The following TLN1 variants were observed in gnomAD, a reference collection of about 807,000 sequenced individuals.
TLN1 encodes the protein talin 1.
TLN1 carries 56 observed loss-of-function variants against 292.3 expected under a neutral mutation model. The observed-to-expected ratio is 0.19, with a 90% CI of 0.15 to 0.24. The LOEUF is 0.24. Among genes scored for constraint, TLN1 ranks in the 10% least tolerant of loss-of-function variants. TLN1 has a pLI of 1.00. For missense variants in TLN1, 2,433 were observed against 3,248.2 expected (o/e 0.75, Z 6.10); for synonymous variants, 1,119 against 1,253.7 (o/e 0.89, Z 2.27).
chr9:35,728,517 A>C (rs1286785736), intron 1 of TLN1, among the ~76,000 whole-genome samples: 1 of 151,950 alleles, frequency 6.6e-6, no homozygotes, highest in East Asian at 1.9e-4. Flanking sequence ...CTCCATACTC[A>C]AATGCACACT....
In TLN1 at chr9:35,719,612, G is replaced by A. The variant is rs368180525; in HGVS notation, c.1594C>T (p.Arg532Cys). 4.3e-6 allele frequency: 7 copies of A among 1,614,016 alleles called. No individual in the cohort carries two copies. Among genetic ancestry groups the A allele is most frequent in the Admixed American group, 3.3e-5 (2 of 60,010 alleles). Residue 532 changes from arginine (R) to cysteine (C), a missense_variant, in exon 15 of 57, where the codon CGT (arginine) becomes TGT (cysteine). Physicochemically the swap from Arg to Cys is radical, Grantham distance 180 (BLOSUM62 -3). Transcript: ENST00000314888. This position sits in a 1 kb window ranked among gnomAD's most constrained non-coding sequence, Gnocchi z 4.6. ...LGQDAASKAW[R>C]KNKMDESKHE... Reference sequence around the variant, plus strand: ...TTTGATTCATCCATCTTGTTTTTACGCCAGGCCTTAGAGGCCTGAAAGAGA... The same window carrying A: ...TTTGATTCATCCATCTTGTTTTTACACCAGGCCTTAGAGGCCTGAAAGAGA...
chr9:35,710,133 G>A (rs35412813), intron 33 of TLN1, among the ~76,000 whole-genome samples: 1 of 144,128 alleles, frequency 6.9e-6, no homozygotes, highest in African/African-American at 2.6e-5. Flanking sequence ...TGAGGCAGGA[G>A]ACTAGCGTGA....
Position 35,725,231 on chromosome 9 carries a change from C to T in TLN1, c.221G>A (p.Arg74Gln), listed in dbSNP as rs201713560. 4.0e-5 allele frequency: 65 copies of T among 1,614,096 alleles called. No individual in the cohort carries two copies. The highest frequency in any genetic ancestry group is 5.5e-5 in the South Asian group (5 of 91,066). Residue 74 changes from arginine (R) to glutamine (Q), a missense_variant, in exon 3 of 57, where the codon CGA (arginine) becomes CAA (glutamine). Arg to Gln is a conservative substitution (Grantham distance 43). Coordinates refer to ENST00000314888, the MANE Select transcript of TLN1 (RefSeq NM_006289.4). ...AGKALDYYML[R>Q]NGDTMEYRKK... Reference sequence around the variant, plus strand: ...TGATGAAAGGATACTTACCCCATTTCGGAGCATGTAGTAGTCCAAAGCTTT... The same window carrying T: ...TGATGAAAGGATACTTACCCCATTTTGGAGCATGTAGTAGTCCAAAGCTTT...
In TLN1 at chr9:35,706,960, C is replaced by G. The variant is rs551295019; in HGVS notation, c.4956-60G>C. The G allele has an allele frequency of 6.2e-7, 1 of 1,609,668 alleles. No homozygotes were observed. Among genetic ancestry groups the G allele is most frequent in the African/African-American group, 1.3e-5 (1 of 74,820 alleles). The stretch of plus-strand genomic sequence containing the variant: ...ATCCCCTACTGCAAGGCCAGCCTAT[C>G]CTTCCCCTGTATCCTCCCAACACCA... On this transcript the variant is annotated intron_variant, in intron 37 of 56. Coordinates refer to ENST00000314888, the MANE Select transcript of TLN1 (RefSeq NM_006289.4). The surrounding 1 kb of genome is among the most constrained non-coding windows in gnomAD (Gnocchi z 4.2).
chr9:35,707,589 G>C lies in TLN1; in HGVS notation c.4633-101C>G. On this transcript the variant is annotated intron_variant, in intron 35 of 56. Coordinates refer to ENST00000314888, the MANE Select transcript of TLN1 (RefSeq NM_006289.4). The surrounding 1 kb of genome is among the most constrained non-coding windows in gnomAD (Gnocchi z 5.6). Reference sequence around the variant, plus strand: ...TCCTGGGACTTACAGGATTTGGGGAGAGGCTAGGTGGTCAGTCTGAATAGA... The same window carrying C: ...TCCTGGGACTTACAGGATTTGGGGACAGGCTAGGTGGTCAGTCTGAATAGA... 2 of 1,574,228 alleles carry C rather than the reference G, an allele frequency of 1.3e-6. No homozygotes were observed.
In TLN1 at chr9:35,707,028, C is replaced by T. The variant is rs762679793; in HGVS notation, c.4955+44G>A. 3.7e-6 allele frequency: 6 copies of T among 1,608,478 alleles called. No individual in the cohort carries two copies. Among genetic ancestry groups the T allele is most frequent in the Non-Finnish European group, 5.1e-6 (6 of 1,178,484 alleles). On this transcript the variant is annotated intron_variant, in intron 37 of 56. Coordinates refer to ENST00000314888, the MANE Select transcript of TLN1 (RefSeq NM_006289.4). This position sits in a 1 kb window ranked among gnomAD's most constrained non-coding sequence, Gnocchi z 5.6. ...CAAGTGCCCATCCTCCATTCTGCCA[C>T]AATGTATGCCCCCCAGCCACACTGG...
chr9:35,702,653 C>T (rs576153076), intron 48 of TLN1, among the ~76,000 whole-genome samples: 7 of 151,934 alleles, frequency 4.6e-5, no homozygotes, highest in Admixed American at 2.6e-4. Flanking sequence ...CCACCACGCC[C>T]AGCTAATTTT....
At chr9:35,708,863 G>T (rs1288362349) in intron 33 of TLN1, among the ~76,000 whole-genome samples, 1 of 152,160 alleles carries the variant, frequency 6.6e-6, no homozygotes, top group African/African-American at 2.4e-5. Flanking sequence ...ACACCTTTGT[G>T]CACACAAGCA....
At chr9:35,730,996 G>A (rs1369481863) in intron 1 of TLN1, among the ~76,000 whole-genome samples, 1 of 152,076 alleles carries the variant, frequency 6.6e-6, no homozygotes, top group East Asian at 1.9e-4. Flanking sequence ...AAACAACACA[G>A]TCCAGAATCT....
intron 48 of TLN1, among the ~76,000 whole-genome samples, chr9:35,702,346 G>T (rs1825479879): frequency 6.6e-6 from 1 of 152,194 alleles, no homozygotes; most frequent in Non-Finnish European, 1.5e-5. Flanking sequence ...GGTTAAACTT[G>T]CCAAAGAAGA....
At chr9:35,702,301 T>C (rs574718275) in intron 48 of TLN1, among the ~76,000 whole-genome samples, 84 of 152,238 alleles carry the variant, frequency 5.5e-4, no homozygotes, top group African/African-American at 2.0e-3. Context: ...AACTCAGAAC[T>C]GGATGTCTGC....
Position 35,705,822 on chromosome 9 carries a change from T to G in TLN1, c.5541A>C (p.Glu1847Asp). The stretch of plus-strand genomic sequence containing the variant: ...TTGTTTGGTAATCCACGAAGGAACC[T>G]TCTGGTTCACCCATTGGTCCTTCAT... ...QLDEGPMGEP[E>D]GSFVDYQTTM... Residue 1847 changes from glutamate (E) to aspartate (D), a missense_variant, in exon 42 of 57, where the codon GAA becomes GAC. Around this residue, in one of 7 missense-constraint regions of TLN1, gnomAD observed 1,384 missense variants for 1,699.6 expected, o/e 0.81. Coordinates refer to ENST00000314888, the MANE Select transcript of TLN1 (RefSeq NM_006289.4). The G allele has an allele frequency of 6.2e-7, 1 of 1,614,238 alleles. No homozygotes were observed. The highest frequency in any genetic ancestry group is 1.1e-5 in the South Asian group (1 of 91,090).
At position 35,706,685 on chromosome 9, in the gene TLN1, G is replaced by A. The variant is rs1022815369; in HGVS notation, c.5088+83C>T. ...TCCCAGCCTTTGATGTCCCTAAGAA[G>A]CCACTCCTTGATCCCCCAGCTTCTT... On this transcript the variant is annotated intron_variant, in intron 38 of 56. Coordinates refer to ENST00000314888, the MANE Select transcript of TLN1 (RefSeq NM_006289.4). This position sits in a 1 kb window ranked among gnomAD's most constrained non-coding sequence, Gnocchi z 4.2. 104 of 1,586,384 alleles carry A rather than the reference G, an allele frequency of 6.6e-5. 1 individual carries two copies. The Middle Eastern group carries it at 6.7e-4, about 10-fold the overall frequency.
At chr9:35,716,613 T>C in intron 19 of TLN1, 57 bp from the exon 20 acceptor site, 3 of 1,585,952 alleles carry the variant, frequency 1.9e-6, no homozygotes, top group East Asian at 4.5e-5. Context: ...GTGTCAGGGG[T>C]GGGGACAAAG....
At chr9:35,709,959 T>C (rs1434586980) in intron 33 of TLN1, among the ~76,000 whole-genome samples, 1 of 137,998 alleles carries the variant, frequency 7.2e-6, no homozygotes, top group Non-Finnish European at 1.5e-5. Flanking sequence ...ACGCCTGTAA[T>C]TCCAGCACTT....
In TLN1 at chr9:35,697,613, G is replaced by C; in HGVS notation, c.*178C>G. On this transcript the variant is annotated 3_prime_UTR_variant, in exon 57 of 57. Coordinates refer to ENST00000314888, the MANE Select transcript of TLN1 (RefSeq NM_006289.4). ...GGGGCCCTAGGGCATGAAGGCACTT[G>C]GGGTTGGGGAGGGGACAGGGGATGT... 1.2e-6 allele frequency: 1 copy of C among 861,154 alleles called. No individual in the cohort carries two copies. Among genetic ancestry groups the C allele is most frequent in the East Asian group, 2.6e-5 (1 of 38,914 alleles). 53.3% of individuals were successfully genotyped at this position (861,154 alleles called of 1,614,324 possible).
At chr9:35,730,068 G>T (rs967913965) in intron 1 of TLN1, among the ~76,000 whole-genome samples, 2 of 151,886 alleles carry the variant, frequency 1.3e-5, no homozygotes. Flanking sequence ...ACTGCATCAG[G>T]TTGGGGGAAG....
At chr9:35,713,418 TC>T in intron 25 of TLN1, 120 bp from the exon 26 acceptor site, 2 of 736,452 alleles carry the variant, frequency 2.7e-6, no homozygotes, top group Non-Finnish European at 4.4e-6. Flanking sequence ...GTGCGATGGC[TC>T]CCACCTATAA....
Position 35,717,489 on chromosome 9 carries a change from A to G in TLN1, c.2164-49T>C. ...GACGTAGGCAAGGGAAAGGAGGTAG[A>G]GTATGCTGCTCATAGCAGTAACTGG... On this transcript the variant is annotated intron_variant, in intron 18 of 56. Transcript: ENST00000314888. This position sits in a 1 kb window ranked among gnomAD's most constrained non-coding sequence, Gnocchi z 4.7. 6.3e-7 allele frequency: 1 copy of G among 1,593,540 alleles called. No individual in the cohort carries two copies. Among genetic ancestry groups the G allele is most frequent in the Non-Finnish European group, 8.6e-7 (1 of 1,166,742 alleles).
Sources: gnomAD v4.1 joint callset for allele counts (sites outside exome capture counted in the v4.1 genomes callset) on GRCh38, gnomAD v4.1.1 for gene constraint, gnomAD v4.1.1 regional missense constraint, Gnocchi (gnomAD v3.1) non-coding constraint, MANE v1.5 for transcripts, NCBI Gene and HGNC (gene_info 2026-07-23, HGNC 2026-07-21) for gene names.